The following PALM2AKAP2 variants were observed in gnomAD, a reference collection of about 807,000 sequenced individuals.
The protein encoded by PALM2AKAP2 is PALM2 and AKAP2 fusion, also known as PALM2-AKAP2 fusion protein.
A neutral mutation model predicts 71.5 loss-of-function variants in PALM2AKAP2; 37 were observed. The ratio of observed to expected loss-of-function variants is 0.52; its 90% CI spans 0.40 to 0.68. PALM2AKAP2 has a LOEUF of 0.68. PALM2AKAP2 is among the 30% of genes least tolerant of loss of function. The probability of loss-of-function intolerance (pLI) is 0.00; values close to 1 mark genes in which losing one functional copy is unlikely to be tolerated. For missense variants in PALM2AKAP2, 1,224 were observed against 1,191.8 expected (o/e 1.03, Z -0.40); for synonymous variants, 468 against 478.8 (o/e 0.98, Z 0.29).
At chr9:110,101,399 C>G (rs1159562463) in intron 1 of PALM2AKAP2, among the ~76,000 whole-genome samples, 1 of 139,578 alleles carries the variant, frequency 7.2e-6, no homozygotes, top group Non-Finnish European at 1.5e-5. Context: ...GTTAATCTCT[C>G]TCCCTCATTA....
chr9:109,760,232 T>C (rs1397569729), intron 1 of PALM2AKAP2: 2 of 152,182 alleles, frequency 1.3e-5, no homozygotes, highest in African/African-American at 4.8e-5. Flanking sequence ...CATTGCTTTG[T>C]GGAATTTAGG....
At chr9:110,032,166 A>T (rs1833290509) in intron 7 of PALM2AKAP2, among the ~76,000 whole-genome samples, 1 of 151,630 alleles carries the variant, frequency 6.6e-6, no homozygotes, top group Non-Finnish European at 1.5e-5. Context: ...ATCATACTGT[A>T]GCTTAAGACA....
At chr9:110,133,678 C>T (rs559222768) in intron 1 of PALM2AKAP2, among the ~76,000 whole-genome samples, 2 of 152,128 alleles carry the variant, frequency 1.3e-5, no homozygotes, top group East Asian at 1.9e-4. Flanking sequence ...ACCCCGGCCC[C>T]CAAGCCAAAA....
intron 1 of PALM2AKAP2, among the ~76,000 whole-genome samples, chr9:109,844,431 G>GAA (rs922979851): frequency 1.3e-5 from 2 of 151,696 alleles, no homozygotes; most frequent in African/African-American, 4.8e-5. Flanking sequence ...ACTTGTGGGG[G>GAA]AAAAAAAATA....
intron 2 of PALM2AKAP2, 143 bp downstream of exon 2, chr9:109,867,714 GC>G: frequency 1.0e-6 from 1 of 956,642 alleles, no homozygotes; most frequent in Non-Finnish European, 1.5e-6. Flanking sequence ...CCATCTCTTG[GC>G]TTTTCTTGTG....
intron 1 of PALM2AKAP2, among the ~76,000 whole-genome samples, chr9:109,761,085 C>T (rs2118734807): frequency 6.6e-6 from 1 of 152,342 alleles, no homozygotes; most frequent in African/African-American, 2.4e-5. Flanking sequence ...TTATGTTCTT[C>T]ATCTAGACCA....
At chr9:109,945,014 G>C (rs1011650094) in intron 6 of PALM2AKAP2, 3 of 152,112 alleles carry the variant, frequency 2.0e-5, no homozygotes, top group African/African-American at 7.2e-5. Context: ...TCTGTGGAAA[G>C]TAGATCAGAA....
At chr9:110,008,727 G>T (rs10116801) in intron 6 of PALM2AKAP2, among the ~76,000 whole-genome samples, 46,604 of 151,738 alleles carry the variant, frequency 0.31, 10,286 homozygotes, top group African/African-American at 0.63. Context: ...TGGGTTGCTT[G>T]TGTCTCTGTG....
At chr9:109,803,942 A>G (rs1827505592) in intron 1 of PALM2AKAP2, among the ~76,000 whole-genome samples, 1 of 152,192 alleles carries the variant, frequency 6.6e-6, no homozygotes, top group African/African-American at 2.4e-5. Flanking sequence ...CAGGCCAGAG[A>G]GTCCAAAGAA....
rs569808937 is a variant in PALM2AKAP2, at chr9:109,964,649, A to G, written c.496+32621A>G. On this transcript the variant is annotated intron_variant, in intron 6 of 9. Transcript: ENST00000302798. Reference sequence around the variant, plus strand: ...TGGCTTGCCTGCCTACCACCTAAATATCAGCCACCATCATATTGAGCTCTT... The same window carrying G: ...TGGCTTGCCTGCCTACCACCTAAATGTCAGCCACCATCATATTGAGCTCTT... Among the ~76,000 whole-genome samples, 3 of 152,314 alleles carry G rather than the reference A, an allele frequency of 2.0e-5. No individual in the cohort carries two copies. In the South Asian group the frequency reaches 6.2e-4, roughly 32 times the overall value.
At chr9:110,125,778 CTTT>C (rs35534895) in intron 1 of PALM2AKAP2, among the ~76,000 whole-genome samples, 5 of 142,250 alleles carry the variant, frequency 3.5e-5, no homozygotes, top group African/African-American at 5.1e-5. Context: ...TTCTCTCTCT[CTTT>C]TTTTTTTTTT....
At chr9:110,160,484 C>A (rs1395614359) in intron 3 of PALM2AKAP2, among the ~76,000 whole-genome samples, 7 of 152,156 alleles carry the variant, frequency 4.6e-5, no homozygotes. Context: ...ACTCATGGAC[C>A]TGGAAGACAT....
chr9:110,090,869 A>G (rs1834689716), intron 1 of PALM2AKAP2, among the ~76,000 whole-genome samples: 1 of 152,146 alleles, frequency 6.6e-6, no homozygotes, highest in Non-Finnish European at 1.5e-5. Flanking sequence ...CTTAGTAATA[A>G]TGTTAGATGC....
intron 1 of PALM2AKAP2, among the ~76,000 whole-genome samples, chr9:109,701,580 T>C (rs1828058620): frequency 6.6e-6 from 1 of 152,192 alleles, no homozygotes; most frequent in African/African-American, 2.4e-5. Flanking sequence ...TTACACCTTA[T>C]ACAAAAATTA....
chr9:110,036,418 C>A (rs753860597), intron 7 of PALM2AKAP2, among the ~76,000 whole-genome samples: 1 of 152,140 alleles, frequency 6.6e-6, no homozygotes, highest in African/African-American at 2.4e-5. Flanking sequence ...GTGCCTGGTG[C>A]AGCTTCCACT....
Position 109,678,520 on chromosome 9 carries a change from G to A in PALM2AKAP2, c.5+37654G>A, listed in dbSNP as rs540030104. ...ACCATGCTTTATATTCAAGGTGAGCGAAGCAAAGCACTTGTTACTAGGAGA... is the reference window on the plus strand; with the variant it reads ...ACCATGCTTTATATTCAAGGTGAGCAAAGCAAAGCACTTGTTACTAGGAGA... On this transcript the variant is annotated intron_variant, in intron 1 of 6. Coordinates refer to the PALM2AKAP2 transcript ENST00000374531. Among the ~76,000 whole-genome samples the A allele has an allele frequency of 1.1e-4, 16 of 152,260 alleles. No homozygotes were observed. In the East Asian group the frequency reaches 3.1e-3, roughly 29 times the overall value.
intron 1 of PALM2AKAP2, among the ~76,000 whole-genome samples, chr9:109,684,839 G>A (rs1827786055): frequency 6.6e-6 from 1 of 152,108 alleles, no homozygotes; most frequent in Non-Finnish European, 1.5e-5. Flanking sequence ...CATACAAAGA[G>A]TTGCACATGA....
At chr9:109,943,473 C>T (rs1162779478) in intron 6 of PALM2AKAP2, 1 of 1,544,638 alleles carries the variant, frequency 6.5e-7, no homozygotes, top group Admixed American at 2.0e-5. Flanking sequence ...CTCTCCACCA[C>T]TCACGTAGAC....
In PALM2AKAP2 at chr9:109,867,164, C is replaced by CTCTGTGTG. The variant is rs879237135; in HGVS notation, c.46-326_46-325insCTGTGTGT. The CTCTGTGTG allele has an allele frequency of 8.4e-4, 334 of 399,796 alleles. 1 individual carries two copies. The highest frequency in any genetic ancestry group is 5.2e-3 in the East Asian group (70 of 13,432). 24.8% of individuals were successfully genotyped at this position (399,796 alleles called of 1,614,324 possible). A position where few individuals can be genotyped will look rare whatever the true frequency, so the allele number is the denominator to read the frequency against. ...TTAACACTGCACAGAACATGGTTCTCTGTGTGTGTGTGTGTGTGTGTGTGT... is the reference window on the plus strand; with the variant it reads ...TTAACACTGCACAGAACATGGTTCTCTCTGTGTGTGTGTGTGTGTGTGTGTGTGTGTGT... On this transcript the variant is annotated intron_variant, in intron 1 of 9. Coordinates refer to the PALM2AKAP2 transcript ENST00000302798.
Sources: gnomAD v4.1 joint callset for allele counts (sites outside exome capture counted in the v4.1 genomes callset) on GRCh38, gnomAD v4.1.1 for gene constraint, MANE v1.5 for transcripts, NCBI Gene and HGNC (gene_info 2026-07-23, HGNC 2026-07-21) for gene names.